STAT4: variants seen among roughly 807,000 people sequenced by gnomAD.
The protein encoded by STAT4 is signal transducer and activator of transcription 4.
STAT4 carries 42 observed loss-of-function variants against 110.5 expected under a neutral mutation model. The ratio of observed to expected loss-of-function variants is 0.38; its 90% CI spans 0.30 to 0.49. The LOEUF (loss-of-function observed/expected upper bound fraction) is 0.49, where lower values mean the gene tolerates loss of function less well. Ranked by LOEUF, STAT4 falls within the 20% of genes least tolerant of loss-of-function variation. The pLI is 0.95. For missense variants in STAT4, 632 were observed against 887.9 expected (o/e 0.71, Z 3.66); for synonymous variants, 284 against 302.2 (o/e 0.94, Z 0.63).
chr2:191,049,455 C>G (rs185284825), intron 14 of STAT4, among the ~76,000 whole-genome samples: 6 of 152,066 alleles, frequency 3.9e-5, no homozygotes, highest in Non-Finnish European at 7.4e-5. Context: ...GGATTACAGG[C>G]GTGAGCCACC....
intron 3 of STAT4, among the ~76,000 whole-genome samples, chr2:191,139,974 G>A (rs1158905090): frequency 6.6e-6 from 1 of 152,040 alleles, no homozygotes; most frequent in Non-Finnish European, 1.5e-5. Context: ...ACTGATCTTC[G>A]ACAAAGCATG....
intron 3 of STAT4, among the ~76,000 whole-genome samples, chr2:191,081,525 A>T (rs1357052143): frequency 9.2e-5 from 14 of 152,236 alleles, no homozygotes; most frequent in Admixed American, 4.6e-4. Flanking sequence ...CTTTTTAATG[A>T]TTGTCATGCT....
chr2:191,113,501 C>G lies in STAT4; in HGVS notation c.273+33112G>C, dbSNP rs113350215. ...AAACAGCATTGGATATAAATATGCT[C>G]AGAAACTTATACAAGGTAGTCAAAC... On this transcript the variant is annotated intron_variant, in intron 3 of 23. Transcript: ENST00000392320. This position sits in a 1 kb window ranked among gnomAD's most constrained non-coding sequence, Gnocchi z 4.8. Among the ~76,000 whole-genome samples the G allele has an allele frequency of 2.0e-5, 3 of 152,260 alleles. No homozygotes were observed. The highest frequency in any genetic ancestry group is 7.2e-5 in the African/African-American group (3 of 41,542).
chr2:191,052,862 C>T (rs1344524447), intron 14 of STAT4, among the ~76,000 whole-genome samples: 1 of 152,184 alleles, frequency 6.6e-6, no homozygotes, highest in African/African-American at 2.4e-5. Context: ...ATATCTTCCA[C>T]TCAATCGTTT....
chr2:191,058,388 C>A lies in STAT4; in HGVS notation c.1095-169G>T, dbSNP rs1171339056. Among the ~76,000 whole-genome samples, 1 of 152,060 alleles carries A rather than the reference C, an allele frequency of 6.6e-6. No homozygotes were observed. Among genetic ancestry groups the A allele is most frequent in the Non-Finnish European group, 1.5e-5 (1 of 68,014 alleles). Reference sequence around the variant, plus strand: ...TCTTGGCTCACTACAACCTCTGCCCCCTGGGTTCAAGCGATTCTCCTGCCT... The same window carrying A: ...TCTTGGCTCACTACAACCTCTGCCCACTGGGTTCAAGCGATTCTCCTGCCT... On this transcript the variant is annotated intron_variant, in intron 11 of 23. Coordinates refer to ENST00000392320, the MANE Select transcript of STAT4 (RefSeq NM_003151.4). The surrounding 1 kb of genome is among the most constrained non-coding windows in gnomAD (Gnocchi z 4.3).
rs1291541304 is a variant in STAT4 at position 191,060,559 on chromosome 2, C to T, written c.1034+1170G>A. Among the ~76,000 whole-genome samples the T allele has an allele frequency of 6.6e-6, 1 of 152,168 alleles. No homozygotes were observed. Reference sequence around the variant, plus strand: ...TCAGCCTCTTAAGTAGCTGGGATTACAGGCATGAGCCAACATGCTCAGCTA... The same window carrying T: ...TCAGCCTCTTAAGTAGCTGGGATTATAGGCATGAGCCAACATGCTCAGCTA... On this transcript the variant is annotated intron_variant, in intron 10 of 23. Coordinates refer to ENST00000392320, the MANE Select transcript of STAT4 (RefSeq NM_003151.4). The surrounding 1 kb of genome is among the most constrained non-coding windows in gnomAD (Gnocchi z 4.5).
At chr2:191,092,804 G>A (rs922491937) in intron 3 of STAT4, among the ~76,000 whole-genome samples, 1 of 152,198 alleles carries the variant, frequency 6.6e-6, no homozygotes, top group Admixed American at 6.5e-5. Context: ...AAGGGAAGCT[G>A]TGACAGACTG....
chr2:191,058,235 G>T lies in STAT4; in HGVS notation c.1095-16C>A, dbSNP rs747363114. Reference sequence around the variant, plus strand: ...TGAAACATTCCTGTAAAACCAAGAAGATTCTTTAAAACAAGCTATTTAATA... The same window carrying T: ...TGAAACATTCCTGTAAAACCAAGAATATTCTTTAAAACAAGCTATTTAATA... On this transcript the variant is annotated splice_polypyrimidine_tract_variant and intron_variant, in intron 11 of 23. Coordinates refer to ENST00000392320, the MANE Select transcript of STAT4 (RefSeq NM_003151.4). This position sits in a 1 kb window ranked among gnomAD's most constrained non-coding sequence, Gnocchi z 4.3. The T allele has an allele frequency of 2.5e-6, 4 of 1,609,876 alleles. No individual in the cohort carries two copies. In the South Asian group the frequency reaches 4.4e-5, roughly 18 times the overall value.
chr2:191,067,745 T>C (rs753549937), intron 6 of STAT4, among the ~76,000 whole-genome samples: 9 of 152,192 alleles, frequency 5.9e-5, no homozygotes, highest in Non-Finnish European at 1.2e-4. Flanking sequence ...CTACATTTTA[T>C]TAGTCCATAT....
Position 191,066,699 on chromosome 2 carries a change from A to T in STAT4, c.545-184T>A, listed in dbSNP as rs1283271343. Among the ~76,000 whole-genome samples, 1 of 152,198 alleles carries T rather than the reference A, an allele frequency of 6.6e-6. No individual in the cohort carries two copies. Among genetic ancestry groups the T allele is most frequent in the Non-Finnish European group, 1.5e-5 (1 of 68,028 alleles). ...TTGCCAGGGAGAATCACATCCAAGC[A>T]TGCAAAAAAGGACCTCTTTATTTTA... On this transcript the variant is annotated intron_variant, in intron 6 of 23. Coordinates refer to ENST00000392320, the MANE Select transcript of STAT4 (RefSeq NM_003151.4). The surrounding 1 kb of genome is among the most constrained non-coding windows in gnomAD (Gnocchi z 4.3).
At chr2:191,075,541 G>C (rs934043049) in intron 4 of STAT4, among the ~76,000 whole-genome samples, 1 of 152,198 alleles carries the variant, frequency 6.6e-6, no homozygotes, top group East Asian at 1.9e-4. Context: ...ACAGGAAGAG[G>C]CAGAGTGGGA....
intron 3 of STAT4, among the ~76,000 whole-genome samples, chr2:191,119,435 C>A (rs1305236880): frequency 6.6e-6 from 1 of 152,114 alleles, no homozygotes; most frequent in Non-Finnish European, 1.5e-5. Context: ...AAGGAATGCC[C>A]ATTTCCAGAG....
chr2:191,067,513 A>G (rs763732106), intron 6 of STAT4, among the ~76,000 whole-genome samples: 2 of 152,206 alleles, frequency 1.3e-5, no homozygotes, highest in Non-Finnish European at 2.9e-5. Flanking sequence ...TTTGTTCTCC[A>G]GTCAGTTCTC....
intron 3 of STAT4, among the ~76,000 whole-genome samples, chr2:191,134,346 T>C (rs1246622585): frequency 2.0e-5 from 3 of 152,186 alleles, no homozygotes; most frequent in African/African-American, 7.2e-5. Context: ...CTACTGTTGC[T>C]ATATCCAGCA....
At chr2:191,069,059 G>T (rs1466793249) in intron 6 of STAT4, among the ~76,000 whole-genome samples, 1 of 151,776 alleles carries the variant, frequency 6.6e-6, no homozygotes. Context: ...AAAATAAAAC[G>T]TTAAATGCAG....
intron 3 of STAT4, among the ~76,000 whole-genome samples, chr2:191,085,244 T>C (rs1251377906): frequency 6.6e-6 from 1 of 151,998 alleles, no homozygotes; most frequent in Non-Finnish European, 1.5e-5. Context: ...ATTTGTGATA[T>C]GAAGTATTTA....
chr2:191,085,032 T>G (rs1432179171), intron 3 of STAT4, among the ~76,000 whole-genome samples: 1 of 151,840 alleles, frequency 6.6e-6, no homozygotes, highest in East Asian at 1.9e-4. Flanking sequence ...AGTAAAATAT[T>G]TTTATCTTTT....
At chr2:191,115,293 G>A (rs1328265163) in intron 3 of STAT4, among the ~76,000 whole-genome samples, 2 of 152,186 alleles carry the variant, frequency 1.3e-5, no homozygotes, top group Non-Finnish European at 2.9e-5. Flanking sequence ...AGACATGTAA[G>A]CAGTCATGAG....
At position 191,114,396 on chromosome 2, in the gene STAT4, T is replaced by C. The variant is rs139658843; in HGVS notation, c.273+32217A>G. Among the ~76,000 whole-genome samples the C allele has an allele frequency of 4.3e-4, 65 of 152,358 alleles. 2 individuals carry two copies. In the East Asian group the frequency reaches 0.012, roughly 29 times the overall value. On this transcript the variant is annotated intron_variant, in intron 3 of 23. Coordinates refer to ENST00000392320, the MANE Select transcript of STAT4 (RefSeq NM_003151.4). ...ATGCATATGGTATATAATAAATGGA[T>C]ACTGTGGTACATTTTGTGTGCAGTA...
Sources: gnomAD v4.1 joint callset for allele counts (sites outside exome capture counted in the v4.1 genomes callset) on GRCh38, gnomAD v4.1.1 for gene constraint, Gnocchi (gnomAD v3.1) non-coding constraint, MANE v1.5 for transcripts, NCBI Gene and HGNC (gene_info 2026-07-23, HGNC 2026-07-21) for gene names.